Variants in FHAD1 observed in about 807,000 individuals in gnomAD.
FHAD1 encodes forkhead-associated domain-containing protein 1.
Under a neutral mutation model 191.3 loss-of-function variants are expected in FHAD1, and 146 were observed. The observed-to-expected ratio is 0.76, with a 90% CI of 0.67 to 0.88. The LOEUF is 0.88. Among genes scored for constraint, FHAD1 ranks in the 40% least tolerant of loss-of-function variants. The pLI is 0.00. For synonymous variants in FHAD1, 616 were observed against 672.3 expected (o/e 0.92, Z 1.29); for missense variants, 1,635 against 1,785.8 (o/e 0.92, Z 1.52).
upstream of FHAD1, among the ~76,000 whole-genome samples, chr1:15,242,248 A>AG (rs1232046632): frequency 6.6e-6 from 1 of 151,888 alleles, no homozygotes; most frequent in Non-Finnish European, 1.5e-5. Flanking sequence ...AAAAAAAAAA[A>AG]AAAAAGTTTA....
intron 3 of FHAD1, among the ~76,000 whole-genome samples, chr1:15,273,119 C>CT (rs1397479694): frequency 6.6e-6 from 1 of 152,148 alleles, no homozygotes. Context: ...CCCGGGGCCC[C>CT]TCCATGGGAG....
chr1:15,382,738 T>C (rs188705425), intron 31 of FHAD1, among the ~76,000 whole-genome samples: 112 of 152,302 alleles, frequency 7.4e-4, no homozygotes, highest in African/African-American at 2.1e-3. Context: ...GTCGAGGCTG[T>C]GCAGTCCAGG....
chr1:15,261,917 G>C lies in FHAD1; in HGVS notation c.93+10040G>C, dbSNP rs548529635. 7.2e-5 allele frequency among the ~76,000 whole-genome samples: 11 copies of C among 152,244 alleles called. No individual in the cohort carries two copies. The South Asian group carries it at 2.3e-3, about 32-fold the overall frequency. On this transcript the variant is annotated intron_variant, in intron 2 of 33. Coordinates refer to ENST00000688493, the MANE Select transcript of FHAD1 (RefSeq NM_001391957.1). ...GGTGGCTGAGGCAGGAAGATCACTC[G>C]AGCCCAGGGGTTCAAGGCTGTATTA...
intron 18 of FHAD1, among the ~76,000 whole-genome samples, chr1:15,346,507 C>T (rs557134613): frequency 2.6e-5 from 4 of 152,248 alleles, no homozygotes; most frequent in African/African-American, 9.6e-5. Context: ...AGTTTGTCAC[C>T]CATCACCCAT....
chr1:15,339,011 CTTTATT>C (rs912398784), intron 14 of FHAD1, among the ~76,000 whole-genome samples: 1 of 152,048 alleles, frequency 6.6e-6, no homozygotes, highest in African/African-American at 2.4e-5. Context: ...TTATCAACTA[CTTTATT>C]TTTATTTTTA....
rs779918824 is a variant in FHAD1 at position 15,375,606 on chromosome 1, A to G, written c.3581A>G (p.His1194Arg). 53 of 1,528,442 alleles carry G rather than the reference A, an allele frequency of 3.5e-5. No individual in the cohort carries two copies. Among genetic ancestry groups the G allele is most frequent in the Middle Eastern group, 1.7e-4 (1 of 5,884 alleles). The allele number at this position is 1,528,442 out of a possible 1,614,324, so 94.7% of individuals were successfully genotyped here. Reference sequence around the variant, plus strand: ...GTCTACTTTATTTCTTTTACAGATCATAAAGACCACCAGAATGAATCATTT... The same window carrying G: ...GTCTACTTTATTTCTTTTACAGATCGTAAAGACCACCAGAATGAATCATTT... Reference protein sequence around the residue: ...KELEKARSPDHKDHQNESFLD... With the variant: ...KELEKARSPDRKDHQNESFLD... Residue 1194 changes from histidine (H) to arginine (R), a missense_variant, in exon 28 of 34, where the codon CAT (histidine) becomes CGT (arginine). Coordinates refer to ENST00000688493, the MANE Select transcript of FHAD1 (RefSeq NM_001391957.1).
At chr1:15,359,013 T>G (rs1056896912) in intron 21 of FHAD1, among the ~76,000 whole-genome samples, 2 of 152,034 alleles carry the variant, frequency 1.3e-5, no homozygotes, top group East Asian at 3.9e-4. Context: ...TGATAACTGC[T>G]GGCAGGACGT....
chr1:15,368,297 C>T (rs984229415), intron 25 of FHAD1, among the ~76,000 whole-genome samples: 6 of 152,168 alleles, frequency 3.9e-5, no homozygotes, highest in Admixed American at 2.6e-4. Flanking sequence ...ATTGTCTGCC[C>T]TCCCCACGAG....
intron 2 of FHAD1, among the ~76,000 whole-genome samples, chr1:15,257,485 A>T (rs1174818710): frequency 6.6e-6 from 1 of 152,112 alleles, no homozygotes; most frequent in African/African-American, 2.4e-5. Context: ...GGCCTGGGGG[A>T]TGTCCAGCCA....
At chr1:15,269,417 G>A (rs187231807) in intron 2 of FHAD1, among the ~76,000 whole-genome samples, 5 of 152,204 alleles carry the variant, frequency 3.3e-5, no homozygotes, top group East Asian at 1.9e-4. Flanking sequence ...TTCCTTCACC[G>A]TGTGTTATTT....
chr1:15,358,098 T>G lies in FHAD1; in HGVS notation c.2563-12T>G. Reference sequence around the variant, plus strand: ...GAATGTCTGTTATTTTGCTACTTGTTTTTTTGTCTAGGAATTAGAATTAAA... The same window carrying G: ...GAATGTCTGTTATTTTGCTACTTGTGTTTTTGTCTAGGAATTAGAATTAAA... On this transcript the variant is annotated splice_polypyrimidine_tract_variant and intron_variant, in intron 20 of 33. Transcript: ENST00000688493. The G allele has an allele frequency of 6.7e-7, 1 of 1,496,554 alleles. No homozygotes were observed. Among genetic ancestry groups the G allele is most frequent in the Non-Finnish European group, 8.9e-7 (1 of 1,127,018 alleles). 92.7% of individuals were successfully genotyped at this position (1,496,554 alleles called of 1,614,324 possible).
chr1:15,364,037 A>G (rs1032635750), intron 23 of FHAD1: 1 of 321,614 alleles, frequency 3.1e-6, no homozygotes, highest in Non-Finnish European at 6.1e-6. Context: ...GGTGGTGCCC[A>G]TGACTTGGAG....
intron 14 of FHAD1, among the ~76,000 whole-genome samples, chr1:15,331,423 G>GATGGATGGACGGACGGGTGGAAGAAAGA (rs1558135125): frequency 6.8e-6 from 1 of 147,222 alleles, no homozygotes; most frequent in East Asian, 2.2e-4. Context: ...TGGGTGGATG[G>GATGGATGGACGGACGGGTGGAAGAAAGA]ATGGATGGAC....
At chr1:15,281,760 C>CAAAAAAAAAAAAAAAAAAAA (rs35950054) in intron 3 of FHAD1, among the ~76,000 whole-genome samples, 1 of 64,434 alleles carries the variant, frequency 1.6e-5, no homozygotes. Flanking sequence ...GACACTGTCT[C>CAAAAAAAAAAAAAAAAAAAA]AAAAAAAAAA....
In FHAD1 at chr1:15,381,778, C is replaced by T. The variant is rs113585544; in HGVS notation, c.4023-250C>T. ...CGTCATATTTTCAAGAGTCGCAGTT[C>T]CCCACTCCCCAGGAAGTCAGGAGGG... On this transcript the variant is annotated intron_variant, in intron 30 of 33. Transcript: ENST00000688493. This position sits in a 1 kb window ranked among gnomAD's most constrained non-coding sequence, Gnocchi z 4.6. Among the ~76,000 whole-genome samples, 3,719 of 152,072 alleles carry T rather than the reference C, an allele frequency of 0.024. 67 individuals carry two copies. Among genetic ancestry groups the T allele is most frequent in the Non-Finnish European group, 0.037 (2,539 of 67,998 alleles).
In FHAD1 at chr1:15,381,048, C is replaced by A. The variant is rs1045825104; in HGVS notation, c.3802-183C>A. On this transcript the variant is annotated intron_variant, in intron 29 of 33. Coordinates refer to ENST00000688493, the MANE Select transcript of FHAD1 (RefSeq NM_001391957.1). The surrounding 1 kb of genome is among the most constrained non-coding windows in gnomAD (Gnocchi z 4.6). ...CCCCCGGTTCTCAAAAAAGGCATAG[C>A]GTAAATGGATGTGGGAGAAAGGAAA... 6.6e-6 allele frequency among the ~76,000 whole-genome samples: 1 copy of A among 152,100 alleles called. No individual in the cohort carries two copies. Among genetic ancestry groups the A allele is most frequent in the Non-Finnish European group, 1.5e-5 (1 of 68,010 alleles).
chr1:15,336,758 C>T (rs1030820227), intron 14 of FHAD1, among the ~76,000 whole-genome samples: 1 of 152,208 alleles, frequency 6.6e-6, no homozygotes, highest in Non-Finnish European at 1.5e-5. Flanking sequence ...TGCCAAGTAA[C>T]TGACACGGGC....
intron 22 of FHAD1, 37 bp downstream of exon 22, chr1:15,360,740 C>A: frequency 6.6e-7 from 1 of 1,523,150 alleles, no homozygotes; most frequent in South Asian, 1.2e-5. Context: ...TCTTAGTGTT[C>A]GGGGCAGGTT....
chr1:15,287,304 CA>C (rs889778864), intron 3 of FHAD1: 7 of 152,262 alleles, frequency 4.6e-5, no homozygotes, highest in African/African-American at 1.7e-4. Context: ...CAGGTGTCCC[CA>C]GATGTATTAG....
Sources: gnomAD v4.1 joint callset for allele counts (sites outside exome capture counted in the v4.1 genomes callset) on GRCh38, gnomAD v4.1.1 for gene constraint, Gnocchi (gnomAD v3.1) non-coding constraint, MANE v1.5 for transcripts, NCBI Gene and HGNC (gene_info 2026-07-23, HGNC 2026-07-21) for gene names.